The following ABCC9 variants were observed in gnomAD, a reference collection of about 807,000 sequenced individuals.
The protein encoded by ABCC9 is ATP-binding cassette sub-family C member 9.
ABCC9 carries 95 observed loss-of-function variants against 188.3 expected under a neutral mutation model. The observed-to-expected ratio is 0.50, with a 90% CI of 0.43 to 0.60. The LOEUF (loss-of-function observed/expected upper bound fraction) is 0.60, where lower values mean the gene tolerates loss of function less well. ABCC9 is among the 20% of genes least tolerant of loss of function. ABCC9 has a pLI of 0.00. For synonymous variants in ABCC9, 659 were observed against 652.7 expected, an observed-to-expected ratio of 1.01 and a Z score of -0.15; for missense variants, 1,102 against 1,876.3, an observed-to-expected ratio of 0.59 and a Z score of 7.62.
chr12:21,811,512 A>C (rs1014350110), intron 36 of ABCC9, among the ~76,000 whole-genome samples: 3 of 152,154 alleles, frequency 2.0e-5, no homozygotes, highest in Non-Finnish European at 4.4e-5. Flanking sequence ...TATCTACCCT[A>C]GAGTAACGGT....
chr12:21,809,572 A>G lies in ABCC9; in HGVS notation c.4315+280T>C, dbSNP rs559129170. ...TAACTACAGGGAAACATCCATTACAATGACCTGTACCCACCAATTGTGAAA... is the reference window on the plus strand; with the variant it reads ...TAACTACAGGGAAACATCCATTACAGTGACCTGTACCCACCAATTGTGAAA... On this transcript the variant is annotated intron_variant, in intron 37 of 39. Coordinates refer to ENST00000261200, the MANE Select transcript of ABCC9 (RefSeq NM_020297.4). 3.3e-5 allele frequency among the ~76,000 whole-genome samples: 5 copies of G among 152,240 alleles called. No homozygotes were observed. In the South Asian group the frequency reaches 1.0e-3, roughly 32 times the overall value.
chr12:21,860,366 C>T (rs1945443465), intron 21 of ABCC9, among the ~76,000 whole-genome samples: 1 of 152,194 alleles, frequency 6.6e-6, no homozygotes, highest in Non-Finnish European at 1.5e-5. Context: ...AGTTCCTTAA[C>T]CTCTCTCAGC....
intron 34 of ABCC9, among the ~76,000 whole-genome samples, chr12:21,815,173 A>G (rs2137168994): frequency 6.6e-6 from 1 of 152,178 alleles, no homozygotes; most frequent in South Asian, 2.1e-4. Context: ...AAAGAACAAG[A>G]CCCTGTCTCA....
intron 37 of ABCC9, among the ~76,000 whole-genome samples, chr12:21,808,160 C>G (rs1264062159): frequency 1.3e-5 from 2 of 151,938 alleles, no homozygotes; most frequent in African/African-American, 4.8e-5. Flanking sequence ...CCCTAATGTC[C>G]TGGGGAAAAT....
chr12:21,912,774 C>T, intron 8 of ABCC9, 98 bp downstream of exon 8: 1 of 1,078,140 alleles, frequency 9.3e-7, no homozygotes, highest in Non-Finnish European at 1.3e-6. Context: ...TGAAAAAAAG[C>T]CTATTTGAAC....
In ABCC9 at chr12:21,860,956, C is replaced by CTA. The variant is rs750972836; in HGVS notation, c.2424+13_2424+14dup. The CTA allele has an allele frequency of 3.1e-6, 5 of 1,591,794 alleles. No homozygotes were observed. Among genetic ancestry groups the CTA allele is most frequent in the Non-Finnish European group, 4.3e-6 (5 of 1,160,602 alleles). ...GATTTTTGTTCATTGCTTAATGAAACTATATATAGCTCACCCTCTCTCCAA... is the reference window on the plus strand; with the variant it reads ...GATTTTTGTTCATTGCTTAATGAAACTATATATATAGCTCACCCTCTCTCCAA... On this transcript the variant is annotated intron_variant, in intron 21 of 39. Coordinates refer to ENST00000261200, the MANE Select transcript of ABCC9 (RefSeq NM_020297.4).
At chr12:21,814,880 A>G (rs1006690305) in intron 34 of ABCC9, among the ~76,000 whole-genome samples, 158 bp from the exon 35 acceptor site, 4 of 152,180 alleles carry the variant, frequency 2.6e-5, no homozygotes, top group East Asian at 1.9e-4. Flanking sequence ...TACATTATGA[A>G]TTATTCTCAA....
At chr12:21,834,147 C>T (rs1378034534) in intron 30 of ABCC9, among the ~76,000 whole-genome samples, 1 of 152,102 alleles carries the variant, frequency 6.6e-6, no homozygotes. Context: ...CTTTTAATTC[C>T]TTTTTATTCT....
intron 14 of ABCC9, among the ~76,000 whole-genome samples, chr12:21,891,913 A>C (rs901662774): frequency 2.0e-5 from 3 of 152,176 alleles, no homozygotes; most frequent in African/African-American, 4.8e-5. Flanking sequence ...TCCAATCAAC[A>C]CTGGGAGAGC....
At chr12:21,832,414 A>AAATGTAAGTACAATTC (rs1425428556) in intron 30 of ABCC9, among the ~76,000 whole-genome samples, 1 of 152,168 alleles carries the variant, frequency 6.6e-6, no homozygotes, top group African/African-American at 2.4e-5. Flanking sequence ...ATTCCTGACC[A>AAATGTAAGTACAATTC]CAAGTACCAA....
At position 21,828,875 on chromosome 12, in the gene ABCC9, A is replaced by T. The variant is rs529278521; in HGVS notation, c.3669+83T>A. ...AGCTAGTGCCGAATCTCAGTGGAATACTAATTTTTACAACTGTCTGCCTCT... is the reference window on the plus strand; with the variant it reads ...AGCTAGTGCCGAATCTCAGTGGAATTCTAATTTTTACAACTGTCTGCCTCT... On this transcript the variant is annotated intron_variant, in intron 31 of 39. Transcript: ENST00000261200. The T allele has an allele frequency of 7.4e-5, 82 of 1,103,602 alleles. 2 individuals carry two copies. The South Asian group carries it at 9.8e-4, about 13-fold the overall frequency. 68.4% of individuals were successfully genotyped at this position (1,103,602 alleles called of 1,614,324 possible). A position where few individuals can be genotyped will look rare whatever the true frequency, so the allele number is the denominator to read the frequency against.
chr12:21,815,951 A>G, intron 33 of ABCC9, 58 bp from the exon 34 acceptor site: 1 of 1,420,668 alleles, frequency 7.0e-7, no homozygotes, highest in Non-Finnish European at 9.8e-7. Context: ...TGATGTAGAA[A>G]GAAATGTATA....
Position 21,933,880 on chromosome 12 carries a change from T to A in ABCC9, c.186A>T (p.Thr62=), listed in dbSNP as rs1949380852. The A allele has an allele frequency of 6.2e-7, 1 of 1,613,518 alleles. No individual in the cohort carries two copies. The highest frequency in any genetic ancestry group is 8.5e-7 in the Non-Finnish European group (1 of 1,179,684). ...GGTTATGTCCCGGAAAATGAAGCCATGTGTTGTGGTGAATTTGTACTTTTG... is the reference window on the plus strand; with the variant it reads ...GGTTATGTCCCGGAAAATGAAGCCAAGTGTTGTGGTGAATTTGTACTTTTG... The part of the protein sequence containing the change: ...QSSKVQIHHN[T]WLHFPGHNLR... Residue 62 remains threonine (T), a synonymous_variant, in exon 4 of 40, where the codon ACA becomes ACT. Coordinates refer to ENST00000261200, the MANE Select transcript of ABCC9 (RefSeq NM_020297.4).
rs761359621 is a variant in ABCC9 at position 21,842,949 on chromosome 12, C to T, written c.3316-478G>A. 1.8e-4 allele frequency among the ~76,000 whole-genome samples: 27 copies of T among 151,892 alleles called. 1 individual carries two copies. The highest frequency in any genetic ancestry group is 4.4e-5 in the Non-Finnish European group (3 of 67,978). ...TTTTCCTTATTGATTTTTAGATGCT[C>T]TGTATATATTATGTTTATTTAAAAA... On this transcript the variant is annotated intron_variant, in intron 28 of 39. Coordinates refer to ENST00000261200, the MANE Select transcript of ABCC9 (RefSeq NM_020297.4).
intron 31 of ABCC9, among the ~76,000 whole-genome samples, chr12:21,821,055 T>A (rs918861671): frequency 6.6e-6 from 1 of 152,192 alleles, no homozygotes; most frequent in African/African-American, 2.4e-5. Context: ...AATGACTAGA[T>A]AAATTCACCC....
At position 21,831,363 on chromosome 12, in the gene ABCC9, G is replaced by A. The variant is rs144339693; in HGVS notation, c.3567-2303C>T. ...TTGGTAGATTTTCATCCATTCATTC[G>A]GGAGCATTTAGCAATCATCCACTCT... On this transcript the variant is annotated intron_variant, in intron 30 of 39. Transcript: ENST00000261200. Among the ~76,000 whole-genome samples, 357 of 151,994 alleles carry A rather than the reference G, an allele frequency of 2.3e-3. 1 individual carries two copies. Among genetic ancestry groups the A allele is most frequent in the African/African-American group, 8.1e-3 (335 of 41,434 alleles).
Position 21,844,546 on chromosome 12 carries a change from A to C in ABCC9, c.3252T>G (p.Phe1084Leu), listed in dbSNP as rs1360915073. 1.9e-6 allele frequency: 3 copies of C among 1,613,452 alleles called. No individual in the cohort carries two copies. In the South Asian group the frequency reaches 3.3e-5, roughly 18 times the overall value. Reference sequence around the variant, plus strand: ...GAATCAGTCCCAGGGGTGTGGTATCAAAAAACCTAGGCAATAAACAGATGG... The same window carrying C: ...GAATCAGTCCCAGGGGTGTGGTATCCAAAAACCTAGGCAATAAACAGATGG... ...NKIILGPIRF[F>L]DTTPLGLILN... The change falls in exon 28 of 40, where the codon TTT becomes TTG. Residue 1084 changes from phenylalanine (F) to leucine (L), a missense_variant. Phe to Leu is a conservative substitution (Grantham distance 22, BLOSUM62 0). Around this residue, in one of 12 missense-constraint regions of ABCC9, gnomAD observed 74 missense variants for 132.7 expected, o/e 0.56. Transcript: ENST00000261200.
intron 30 of ABCC9, among the ~76,000 whole-genome samples, chr12:21,834,732 G>T (rs1174432334): frequency 6.6e-6 from 1 of 151,234 alleles, no homozygotes; most frequent in Admixed American, 6.6e-5. Context: ...GAATAAAAGA[G>T]GGGCTGAAAA....
At chr12:21,907,086 T>C (rs1455591640) in intron 11 of ABCC9, among the ~76,000 whole-genome samples, 1 of 152,056 alleles carries the variant, frequency 6.6e-6, no homozygotes, top group Admixed American at 6.6e-5. Flanking sequence ...TGGTTTTTGT[T>C]CAATGTTTTG....
Sources: gnomAD v4.1 joint callset for allele counts (sites outside exome capture counted in the v4.1 genomes callset) on GRCh38, gnomAD v4.1.1 for gene constraint, gnomAD v4.1.1 regional missense constraint, MANE v1.5 for transcripts, NCBI Gene and HGNC (gene_info 2026-07-23, HGNC 2026-07-21) for gene names.